Variants in LMNTD1 observed in about 807,000 individuals in gnomAD.
LMNTD1 encodes lamin tail domain-containing protein 1.
In LMNTD1, 35 loss-of-function variants were observed where a neutral mutation model predicts 50.9. That is an observed-to-expected ratio of 0.69 (90% CI 0.53 to 0.91). The LOEUF is 0.91. Ranked by LOEUF, LMNTD1 falls within the 40% of genes least tolerant of loss-of-function variation. The pLI, the probability that LMNTD1 is intolerant of heterozygous loss-of-function variation, is 0.00. For missense variants in LMNTD1, 470 were observed against 475.5 expected, an observed-to-expected ratio of 0.99 and a Z score of 0.11; for synonymous variants, 153 against 161.9, an observed-to-expected ratio of 0.94 and a Z score of 0.42.
At chr12:25,621,620 A>G (rs1346380269) in intron 1 of LMNTD1, among the ~76,000 whole-genome samples, 4 of 152,176 alleles carry the variant, frequency 2.6e-5, no homozygotes, top group Non-Finnish European at 5.9e-5. Context: ...CATATTTCTT[A>G]AATGAATAAT....
chr12:25,541,300 G>A (rs889499183), intron 4 of LMNTD1, among the ~76,000 whole-genome samples: 2 of 131,514 alleles, frequency 1.5e-5, no homozygotes, highest in African/African-American at 2.7e-5. Context: ...CAAAGCTGGA[G>A]GCATCACACT....
At chr12:25,514,304 T>C (rs959388517) in intron 8 of LMNTD1, among the ~76,000 whole-genome samples, 1 of 152,136 alleles carries the variant, frequency 6.6e-6, no homozygotes, top group African/African-American at 2.4e-5. Context: ...TGGTTTTCCA[T>C]ATCGAAGAAA....
At chr12:25,556,224 C>T (rs1944037755), upstream of LMNTD1, among the ~76,000 whole-genome samples, 1 of 152,098 alleles carries the variant, frequency 6.6e-6, no homozygotes, top group Non-Finnish European at 1.5e-5. Flanking sequence ...TTGCCTGCCT[C>T]GGCTTCCCAA....
intron 1 of LMNTD1, among the ~76,000 whole-genome samples, chr12:25,607,604 T>C (rs1184403498): frequency 6.6e-6 from 1 of 152,218 alleles, no homozygotes; most frequent in East Asian, 1.9e-4. Context: ...CAGTAGTCAT[T>C]CAGGAGCAGA....
chr12:25,539,429 A>G (rs1189470224), intron 4 of LMNTD1, among the ~76,000 whole-genome samples: 1 of 151,184 alleles, frequency 6.6e-6, no homozygotes, highest in Non-Finnish European at 1.5e-5. Flanking sequence ...CTCACTCAAA[A>G]CCGCTCAACT....
chr12:25,482,172 T>G (rs1328729828), intron 9 of LMNTD1, among the ~76,000 whole-genome samples: 1 of 152,016 alleles, frequency 6.6e-6, no homozygotes, highest in Non-Finnish European at 1.5e-5. Context: ...GTCATCAGCA[T>G]GTACACATTT....
rs1166153457 is a variant in LMNTD1 at position 25,520,139 on chromosome 12, GATATACATATATAT to G, written c.799-78_799-65del. 1.6e-3 allele frequency: 247 copies of G among 152,428 alleles called. 39 individuals carry two copies. The highest frequency in any genetic ancestry group is 0.014 in the East Asian group (76 of 5,536). The allele number at this position is 152,428 out of a possible 1,614,324, so 9.4% of individuals were successfully genotyped here. A position where few individuals can be genotyped will look rare whatever the true frequency, so the allele number is the denominator to read the frequency against. On this transcript the variant is annotated intron_variant, in intron 6 of 9. Transcript: ENST00000458174. ...TGAGGTTTACAACATGCTGTTATGA[GATATACATATATAT>G]ATATATATATATATATATATATAGT...
chr12:25,554,007 T>C (rs1022078472), upstream of LMNTD1, among the ~76,000 whole-genome samples: 3 of 151,996 alleles, frequency 2.0e-5, no homozygotes, highest in Admixed American at 1.3e-4. Context: ...TTAAAGACAA[T>C]AAAGTAACTG....
At chr12:25,591,552 G>A (rs897595566) in intron 1 of LMNTD1, among the ~76,000 whole-genome samples, 2 of 152,110 alleles carry the variant, frequency 1.3e-5, no homozygotes, top group Admixed American at 6.5e-5. Context: ...GCTCCTGGAC[G>A]GCACCCCTGG....
chr12:25,609,606 C>T (rs772307146), intron 1 of LMNTD1, among the ~76,000 whole-genome samples: 43 of 152,206 alleles, frequency 2.8e-4, no homozygotes, highest in Admixed American at 4.6e-4. Context: ...TTGGGGTTTG[C>T]TGAAGCTCCA....
chr12:25,628,057 G>A (rs1460704646), intron 1 of LMNTD1, among the ~76,000 whole-genome samples: 2 of 122,980 alleles, frequency 1.6e-5, no homozygotes, highest in East Asian at 5.5e-4. Context: ...GCAGTGAGTC[G>A]AGATCGCGCC....
chr12:25,545,337 T>C (rs1943367622), intron 4 of LMNTD1, among the ~76,000 whole-genome samples: 1 of 151,652 alleles, frequency 6.6e-6, no homozygotes, highest in Non-Finnish European at 1.5e-5. Context: ...AATTCTTTTC[T>C]CTCACAGTTT....
chr12:25,487,710 A>T, intron 9 of LMNTD1, among the ~76,000 whole-genome samples: 4 of 119,820 alleles, frequency 3.3e-5, no homozygotes, highest in Non-Finnish European at 5.2e-5. Context: ...TTGTTAGTTG[A>T]CGCAGTTTCT....
chr12:25,506,544 T>C (rs949400362), intron 8 of LMNTD1, among the ~76,000 whole-genome samples: 1 of 152,016 alleles, frequency 6.6e-6, no homozygotes, highest in African/African-American at 2.4e-5. Context: ...TTGTCGATAA[T>C]CTACAAGCTA....
intron 1 of LMNTD1, among the ~76,000 whole-genome samples, chr12:25,610,181 A>G (rs1946210055): frequency 6.6e-6 from 1 of 152,150 alleles, no homozygotes; most frequent in African/African-American, 2.4e-5. Flanking sequence ...GCCATTTGCT[A>G]AGACTGTTGG....
At chr12:25,527,673 TATATATATACACACACACACACACACAC>T (rs1426431007) in intron 4 of LMNTD1, among the ~76,000 whole-genome samples, 9 of 21,464 alleles carry the variant, frequency 4.2e-4, no homozygotes, top group African/African-American at 9.4e-4. Flanking sequence ...TATATATATA[TATATATATACACACACACACACACACAC>T]ACACACACAC....
intron 7 of LMNTD1, among the ~76,000 whole-genome samples, chr12:25,519,403 G>A (rs1412250505): frequency 2.0e-5 from 3 of 150,188 alleles, no homozygotes; most frequent in Non-Finnish European, 4.5e-5. Flanking sequence ...TGGCTAACAC[G>A]GTGAAACCCC....
chr12:25,547,145 T>C, intron 3 of LMNTD1: 1 of 744,950 alleles, frequency 1.3e-6, no homozygotes, highest in Non-Finnish European at 1.6e-6. Flanking sequence ...TTGATTCAAA[T>C]ACAATATAGT....
At chr12:25,546,988 A>G (rs1943474225) in intron 3 of LMNTD1, among the ~76,000 whole-genome samples, 1 of 151,676 alleles carries the variant, frequency 6.6e-6, no homozygotes, top group South Asian at 2.1e-4. Context: ...CCTCATATGA[A>G]TCCTTTCCTG....
Sources: gnomAD v4.1 joint callset for allele counts (sites outside exome capture counted in the v4.1 genomes callset) on GRCh38, gnomAD v4.1.1 for gene constraint, MANE v1.5 for transcripts, NCBI Gene and HGNC (gene_info 2026-07-23, HGNC 2026-07-21) for gene names.